The following IFT25 variants were observed in gnomAD, a reference collection of about 807,000 sequenced individuals.
IFT25 encodes intraflagellar transport 25, also known as intraflagellar transport protein 25 homolog.
the IFT25 span, among the ~76,000 whole-genome samples, chr1:53,913,585 G>T: frequency 6.6e-6 from 1 of 152,114 alleles, no homozygotes; most frequent in East Asian, 1.9e-4. Flanking sequence ...CCTTTGAGAT[G>T]GGGCTCAGGG....
chr1:53,915,760 AG>A, the IFT25 span, among the ~76,000 whole-genome samples: 1 of 152,216 alleles, frequency 6.6e-6, no homozygotes, highest in African/African-American at 2.4e-5. Context: ...CTACAGGCAG[AG>A]GAAACAGCAA....
At chr1:53,923,004 A>G in the IFT25 span, among the ~76,000 whole-genome samples, 7 of 152,344 alleles carry the variant, frequency 4.6e-5, no homozygotes, top group South Asian at 1.2e-3. Flanking sequence ...ACAATATACG[A>G]AAGGTAGCAG....
At chr1:53,917,260 T>G in the IFT25 span, 35 of 152,238 alleles carry the variant, frequency 2.3e-4, no homozygotes, top group Admixed American at 2.2e-3. Context: ...ATCACCCAGA[T>G]TCAATAATTT....
At chr1:53,921,356 C>T in the IFT25 span, among the ~76,000 whole-genome samples, 33 of 152,214 alleles carry the variant, frequency 2.2e-4, no homozygotes, top group Admixed American at 3.3e-4. Flanking sequence ...TAATGCACTA[C>T]GATCTGAAGA....
the IFT25 span, among the ~76,000 whole-genome samples, chr1:53,919,864 A>G: frequency 6.6e-6 from 1 of 151,556 alleles, no homozygotes; most frequent in Non-Finnish European, 1.5e-5. Flanking sequence ...ATCATGACTC[A>G]CTGAAGCCAC....
At chr1:53,940,114 A>T in the IFT25 span, 2 of 1,303,690 alleles carry the variant, frequency 1.5e-6, no homozygotes, top group Non-Finnish European at 2.2e-6. Context: ...ATTAAAAAAT[A>T]ACAAAAAAAG....
chr1:53,924,355 G>A, the IFT25 span, among the ~76,000 whole-genome samples: 1 of 152,166 alleles, frequency 6.6e-6, no homozygotes, highest in African/African-American at 2.4e-5. Context: ...GAAACAACTA[G>A]AGCTGAGTTT....
the IFT25 span, chr1:53,928,711 G>A: frequency 5.6e-6 from 2 of 356,990 alleles, no homozygotes; most frequent in South Asian, 5.7e-5. Flanking sequence ...TTTTTTGTGT[G>A]TATGGCGATA....
At chr1:53,913,701 ACCT>A in the IFT25 span, among the ~76,000 whole-genome samples, 1 of 152,128 alleles carries the variant, frequency 6.6e-6, no homozygotes, top group Admixed American at 6.5e-5. Flanking sequence ...TGAAGATTTA[ACCT>A]CCTTTTATTT....
chr1:53,938,482 A>G, the IFT25 span, among the ~76,000 whole-genome samples: 5 of 152,198 alleles, frequency 3.3e-5, no homozygotes, highest in East Asian at 9.6e-4. Flanking sequence ...TGCCATAAAG[A>G]TGACAACTAC....
the IFT25 span, chr1:53,921,494 T>C: frequency 1.7e-6 from 1 of 601,072 alleles, no homozygotes; most frequent in Admixed American, 2.9e-5. Flanking sequence ...CCAGTACTGC[T>C]GATTGATAAA....
the IFT25 span, chr1:53,923,647 T>C: frequency 2.0e-3 from 742 of 366,796 alleles, 3 homozygotes; most frequent in Non-Finnish European, 2.5e-3. Flanking sequence ...TACTTCAAAG[T>C]AAATGAATGA....
the IFT25 span, among the ~76,000 whole-genome samples, chr1:53,933,284 G>A: frequency 2.0e-5 from 3 of 151,950 alleles, no homozygotes; most frequent in Non-Finnish European, 2.9e-5. Flanking sequence ...ACAGGCATGC[G>A]CCACCACGCC....
At chr1:53,920,647 T>C in the IFT25 span, among the ~76,000 whole-genome samples, 3 of 152,178 alleles carry the variant, frequency 2.0e-5, no homozygotes, top group African/African-American at 7.2e-5. Context: ...GATCTTTTCA[T>C]GGACTTAAGA....
At chr1:53,924,894 T>C in the IFT25 span, among the ~76,000 whole-genome samples, 1 of 152,150 alleles carries the variant, frequency 6.6e-6, no homozygotes, top group Admixed American at 6.5e-5. Context: ...TAACTTCACA[T>C]TAAATAATGT....
the IFT25 span, chr1:53,940,116 C>CA: frequency 8.3e-5 from 100 of 1,208,126 alleles, no homozygotes; most frequent in Admixed American, 2.1e-4. Context: ...TAAAAAATAA[C>CA]AAAAAAAGCA....
chr1:53,925,910 G>T, the IFT25 span, among the ~76,000 whole-genome samples: 3 of 151,480 alleles, frequency 2.0e-5, no homozygotes, highest in East Asian at 3.9e-4. Context: ...AGACCAGCCT[G>T]GCCAACATGG....
the IFT25 span, chr1:53,939,910 T>A: frequency 1.2e-6 from 1 of 829,458 alleles, no homozygotes; most frequent in South Asian, 1.5e-5. Context: ...GGGCAAGTTG[T>A]TATAAAACAC....
At chr1:53,937,703 G>T in the IFT25 span, among the ~76,000 whole-genome samples, 2 of 152,164 alleles carry the variant, frequency 1.3e-5, no homozygotes, top group African/African-American at 4.8e-5. Context: ...AAGTAGTGCA[G>T]GGTAAATTGA....
Sources: allele counts gnomAD v4.1 joint callset (sites outside exome capture counted in the v4.1 genomes callset), GRCh38; gene constraint gnomAD v4.1.1; transcripts MANE v1.5; gene names NCBI Gene and HGNC (gene_info 2026-07-23, HGNC 2026-07-21).